Variants in ZCCHC14 observed in about 807,000 individuals in gnomAD.
ZCCHC14 encodes the protein zinc finger CCHC domain-containing protein 14.
In ZCCHC14, 16 loss-of-function variants were observed where a neutral mutation model predicts 85.0. The observed-to-expected ratio is 0.19, with a 90% CI of 0.13 to 0.29. The LOEUF (loss-of-function observed/expected upper bound fraction) is 0.29, where lower values mean the gene tolerates loss of function less well. Ranked by LOEUF, ZCCHC14 falls within the 10% of genes least tolerant of loss-of-function variation. ZCCHC14 has a pLI of 1.00. For missense variants in ZCCHC14, 1,303 were observed against 1,443.5 expected (o/e 0.90, Z 1.58); for synonymous variants, 775 against 630.7 (o/e 1.23, Z -3.43).
intron 1 of ZCCHC14, among the ~76,000 whole-genome samples, chr16:87,480,203 A>G (rs1331960855): frequency 2.0e-5 from 3 of 151,988 alleles, no homozygotes; most frequent in African/African-American, 7.2e-5. Flanking sequence ...GGAGATGGAG[A>G]CCATCCTGGC....
intron 1 of ZCCHC14, chr16:87,467,789 C>A: frequency 2.1e-6 from 1 of 483,172 alleles, no homozygotes; most frequent in Non-Finnish European, 3.8e-6. Context: ...GTAGCTGGGA[C>A]TACAGGCGCG....
intron 8 of ZCCHC14, among the ~76,000 whole-genome samples, chr16:87,416,220 C>G (rs1368634059): frequency 6.6e-6 from 1 of 152,096 alleles, no homozygotes; most frequent in Non-Finnish European, 1.5e-5. Flanking sequence ...GCCACCGCAC[C>G]TGGCCAGGGA....
intron 3 of ZCCHC14, 148 bp downstream of exon 3, chr16:87,432,980 A>C (rs1597414505): frequency 1.8e-4 from 42 of 239,560 alleles, no homozygotes; most frequent in South Asian, 8.3e-4. Context: ...GAGACAGCCC[A>C]CCCCGAGCTC....
chr16:87,437,787 A>T (rs534490102), intron 2 of ZCCHC14, among the ~76,000 whole-genome samples: 1 of 152,342 alleles, frequency 6.6e-6, no homozygotes, highest in East Asian at 1.9e-4. Context: ...ATTCACATCG[A>T]CTATCATTTT....
At chr16:87,422,012 A>G (rs1909124754) in intron 4 of ZCCHC14, among the ~76,000 whole-genome samples, 1 of 152,184 alleles carries the variant, frequency 6.6e-6, no homozygotes, top group Non-Finnish European at 1.5e-5. Context: ...AATAACTCAG[A>G]TGTGGGACCT....
intron 1 of ZCCHC14, among the ~76,000 whole-genome samples, chr16:87,479,890 G>T (rs1408971304): frequency 6.6e-6 from 1 of 152,016 alleles, no homozygotes; most frequent in Non-Finnish European, 1.5e-5. Flanking sequence ...TCTCGTGTTA[G>T]AGAGTTCTTC....
At chr16:87,486,806 C>T (rs1195698002) in intron 1 of ZCCHC14, among the ~76,000 whole-genome samples, 1 of 152,178 alleles carries the variant, frequency 6.6e-6, no homozygotes, top group East Asian at 1.9e-4. Context: ...ATAGACCAGG[C>T]GGTTCCCAGC....
rs1908474998 is a variant in ZCCHC14 at position 87,411,987 on chromosome 16, G to C, written c.2734C>G (p.Pro912Ala). 2 of 1,608,834 alleles carry C rather than the reference G, an allele frequency of 1.2e-6. No individual in the cohort carries two copies. Among genetic ancestry groups the C allele is most frequent in the African/African-American group, 1.3e-5 (1 of 74,884 alleles). ...HHHHHQQPPAPPQPAPPPPGC... is the reference protein window; with the variant it reads ...HHHHHQQPPAAPQPAPPPPGC... ...GGCGGGGGTGGGGCGGGCTGCGGGG[G>C]TGCCGGGGGCTGCTGATGGTGGTGG... is the stretch of plus-strand genomic sequence containing the variant. Residue 912 changes from proline to alanine, a missense_variant, in exon 12 of 13, where the codon CCC becomes GCC. Coordinates refer to ENST00000671377, the MANE Select transcript of ZCCHC14 (RefSeq NM_015144.3).
intron 1 of ZCCHC14, among the ~76,000 whole-genome samples, chr16:87,479,590 G>A (rs188868394): frequency 3.2e-4 from 49 of 152,260 alleles, no homozygotes; most frequent in Middle Eastern, 3.4e-3. Context: ...ACCTTAATTA[G>A]AATGAGTAAC....
At chr16:87,489,423 T>C (rs1567547786) in intron 1 of ZCCHC14, among the ~76,000 whole-genome samples, 1 of 152,192 alleles carries the variant, frequency 6.6e-6, no homozygotes, top group African/African-American at 2.4e-5. Flanking sequence ...ATTCAATCTA[T>C]AAAACATGCC....
Position 87,425,277 on chromosome 16 carries a change from T to C in ZCCHC14, c.769-1396A>G, listed in dbSNP as rs78162930. Among the ~76,000 whole-genome samples, 791 of 152,172 alleles carry C rather than the reference T, an allele frequency of 5.2e-3. 1 individual carries two copies. Among genetic ancestry groups the C allele is most frequent in the Non-Finnish European group, 8.4e-3 (572 of 68,002 alleles). On this transcript the variant is annotated intron_variant, in intron 3 of 12. Transcript: ENST00000671377. ...CTTGCCACCCAGAATCTTCCACACC[T>C]AAAATGAAAATGCTTGAGGCCGGGC...
At chr16:87,473,985 C>T (rs1911890800) in intron 1 of ZCCHC14, 1 of 152,148 alleles carries the variant, frequency 6.6e-6, no homozygotes, top group Non-Finnish European at 1.5e-5. Flanking sequence ...AGCCAGGGTC[C>T]CCATCTCTTA....
chr16:87,421,196 G>T (rs1340997982), intron 4 of ZCCHC14, among the ~76,000 whole-genome samples: 1 of 152,220 alleles, frequency 6.6e-6, no homozygotes, highest in African/African-American at 2.4e-5. Context: ...GAGCCAGAGA[G>T]AGCCCCATCG....
At chr16:87,465,948 CCG>C (rs1245239311) in intron 1 of ZCCHC14, among the ~76,000 whole-genome samples, 3 of 152,160 alleles carry the variant, frequency 2.0e-5, no homozygotes, top group Non-Finnish European at 4.4e-5. Flanking sequence ...GCCACCGAGC[CCG>C]GTCTCCGCAA....
At chr16:87,421,307 G>A (rs1440451985) in intron 4 of ZCCHC14, among the ~76,000 whole-genome samples, 2 of 152,290 alleles carry the variant, frequency 1.3e-5, no homozygotes, top group East Asian at 3.9e-4. Context: ...GACAAAAATT[G>A]CTCCTGGCCC....
At chr16:87,441,545 A>T (rs1251700177) in intron 2 of ZCCHC14, among the ~76,000 whole-genome samples, 1 of 152,222 alleles carries the variant, frequency 6.6e-6, no homozygotes, top group African/African-American at 2.4e-5. Context: ...CAACATAAAC[A>T]TACTGGTGTT....
intron 2 of ZCCHC14, among the ~76,000 whole-genome samples, chr16:87,434,645 C>T (rs776661999): frequency 2.6e-5 from 4 of 152,358 alleles, no homozygotes; most frequent in South Asian, 2.1e-4. Context: ...TCTCCACGGG[C>T]GCCAGTGCTC....
chr16:87,411,398 G>A (rs761060599), intron 12 of ZCCHC14, 118 bp downstream of exon 12: 6 of 1,522,440 alleles, frequency 3.9e-6, no homozygotes, highest in Non-Finnish European at 4.4e-6. Flanking sequence ...CGCTTTCAAA[G>A]AGCATTCGAA....
At chr16:87,445,933 T>C (rs183045700) in intron 2 of ZCCHC14, among the ~76,000 whole-genome samples, 197 of 152,324 alleles carry the variant, frequency 1.3e-3, no homozygotes, top group Non-Finnish European at 2.1e-3. Context: ...CTAGGTCCTA[T>C]CATCTTCCCA....
Sources: gnomAD v4.1 joint callset for allele counts (sites outside exome capture counted in the v4.1 genomes callset) on GRCh38, gnomAD v4.1.1 for gene constraint, MANE v1.5 for transcripts, NCBI Gene and HGNC (gene_info 2026-07-23, HGNC 2026-07-21) for gene names.